PDK4: variants seen among roughly 807,000 people sequenced by gnomAD.
The protein encoded by PDK4 is pyruvate dehydrogenase kinase 4, also known as pyruvate dehydrogenase kinase, isozyme 4.
A neutral mutation model predicts 51.7 loss-of-function variants in PDK4; 43 were observed. The observed-to-expected ratio is 0.83, with a 90% CI of 0.65 to 1.07. The LOEUF (loss-of-function observed/expected upper bound fraction) is 1.07. Ranked by LOEUF, PDK4 falls within the 50% of genes least tolerant of loss-of-function variation. The pLI is 0.00. For missense variants in PDK4, 498 were observed against 503.5 expected, an observed-to-expected ratio of 0.99 and a Z score of 0.10; for synonymous variants, 170 against 176.6, an observed-to-expected ratio of 0.96 and a Z score of 0.30.
intron 3 of PDK4, among the ~76,000 whole-genome samples, chr7:95,593,384 T>C (rs1467916995): frequency 1.3e-5 from 2 of 152,128 alleles, no homozygotes; most frequent in African/African-American, 4.8e-5. Context: ...TAGTCTCCAA[T>C]GACGCTGAAA....
At position 95,591,995 on chromosome 7, in the gene PDK4, T is replaced by C; in HGVS notation, c.687A>G (p.Gln229=). The change falls in exon 6 of 11, where the codon CAA becomes CAG. Residue 229 remains glutamine, a synonymous_variant. Transcript: ENST00000005178. ...ATTTTACTTATAACTTACCATTCACTTGTGTAAGCTTTAATTCTGGAGATG... is the reference window on the plus strand; with the variant it reads ...ATTTTACTTATAACTTACCATTCACCTGTGTAAGCTTTAATTCTGGAGATG... ...YLSSPELKLT[Q]VNGKFPDQPI... 5 of 1,479,848 alleles carry C rather than the reference T, an allele frequency of 3.4e-6. No homozygotes were observed. The highest frequency in any genetic ancestry group is 4.6e-6 in the Non-Finnish European group (5 of 1,075,716). The allele number at this position is 1,479,848 out of a possible 1,614,324, so 91.7% of individuals were successfully genotyped here.
chr7:95,585,817 A>G (rs1174670399), intron 10 of PDK4, 36 bp from the exon 11 acceptor site: 3 of 1,565,606 alleles, frequency 1.9e-6, no homozygotes, highest in Non-Finnish European at 2.6e-6. Context: ...GAGACCAAAG[A>G]AATTATGCAT....
chr7:95,587,474 A>G lies in PDK4; in HGVS notation c.925T>C (p.Tyr309His). The G allele has an allele frequency of 6.2e-7, 1 of 1,612,326 alleles. No individual in the cohort carries two copies. The highest frequency in any genetic ancestry group is 8.5e-7 in the Non-Finnish European group (1 of 1,178,320). ...GGCGTTGGTGCAGTGGAGTATGTAT[A>G]ACTAAAGAGGCGGTCAATAATTCTC... is the stretch of plus-strand genomic sequence containing the variant. ...PLRIIDRLFSYTYSTAPTPVM... is the reference protein window; with the variant it reads ...PLRIIDRLFSHTYSTAPTPVM... The change falls in exon 9 of 11, where the codon TAT becomes CAT. Residue 309 changes from tyrosine to histidine, a missense_variant. Transcript: ENST00000005178.
chr7:95,589,708 GA>G lies in PDK4; in HGVS notation c.702del (p.Pro235GlnfsTer42). 6.4e-7 allele frequency: 1 copy of G among 1,556,390 alleles called. No homozygotes were observed. Among genetic ancestry groups the G allele is most frequent in the East Asian group, 2.2e-5 (1 of 44,528 alleles). ...TACACGATGTGAATTGGTTGGTCTG[GA>G]AATTTTCCTAGAAAAATAAAATTCA... Reference protein sequence around the residue: ...ELKLTQVNGKFPDQPIHIVYV... With the variant: ...ELKLTQVNGKXPDQPIHIVYV... On this transcript the variant is annotated frameshift_variant, in exon 7 of 11. Coordinates refer to ENST00000005178, the MANE Select transcript of PDK4 (RefSeq NM_002612.4). LOFTEE classifies it high-confidence loss of function.
intron 2 of PDK4, among the ~76,000 whole-genome samples, chr7:95,594,222 C>G (rs533736917): frequency 6.6e-4 from 101 of 152,152 alleles, no homozygotes; most frequent in African/African-American, 2.1e-3. Flanking sequence ...TTTCTTGAAT[C>G]AATGAACAAA....
In PDK4 at chr7:95,585,617, G is replaced by A. The variant is rs746671113; in HGVS notation, c.*24C>T. ...ACTGGTGTAGACCCACTTTGATCCC[G>A]TAAAGTGTCCTGAGTGTCCCTCTTC... is the stretch of plus-strand genomic sequence containing the variant. On this transcript the variant is annotated 3_prime_UTR_variant, in exon 11 of 11. Transcript: ENST00000005178. 10 of 1,586,696 alleles carry A rather than the reference G, an allele frequency of 6.3e-6. No homozygotes were observed. Among genetic ancestry groups the A allele is most frequent in the African/African-American group, 2.7e-5 (2 of 74,418 alleles).
chr7:95,587,589 T>A (rs572694912), intron 8 of PDK4, 61 bp from the exon 9 acceptor site: 1 of 1,262,000 alleles, frequency 7.9e-7, no homozygotes, highest in Non-Finnish European at 1.2e-6. Context: ...TTTGTCTAAA[T>A]AAAAATGGCT....
chr7:95,593,464 A>G (rs1791576737), intron 3 of PDK4, among the ~76,000 whole-genome samples: 1 of 152,138 alleles, frequency 6.6e-6, no homozygotes, highest in African/African-American at 2.4e-5. Flanking sequence ...TAGTAAAAAT[A>G]GGTCTCCCTG....
chr7:95,587,052 G>A lies in PDK4; in HGVS notation c.1053C>T (p.Tyr351=), dbSNP rs1295022783. Residue 351 remains tyrosine (Y), a synonymous_variant, in exon 10 of 11, where the codon TAC becomes TAT. Transcript: ENST00000005178. ...AKYFQGDLNL[Y]SLSGYGTDAI... ...CATCTGTTCCATATCCTGATAAAGAGTAGAGATTCAGATCTCCTTGAAAGT... is the reference window on the plus strand; with the variant it reads ...CATCTGTTCCATATCCTGATAAAGAATAGAGATTCAGATCTCCTTGAAAGT... 1.2e-6 allele frequency: 2 copies of A among 1,610,502 alleles called. No homozygotes were observed. The highest frequency in any genetic ancestry group is 1.3e-5 in the African/African-American group (1 of 74,918).
chr7:95,585,783 T>C lies in PDK4; in HGVS notation c.1096-2A>G. 6.3e-7 allele frequency: 1 copy of C among 1,577,680 alleles called. No individual in the cohort carries two copies. Among genetic ancestry groups the C allele is most frequent in the Non-Finnish European group, 8.7e-7 (1 of 1,153,472 alleles). On this transcript the variant is annotated splice_acceptor_variant, in intron 10 of 10. Coordinates refer to ENST00000005178, the MANE Select transcript of PDK4 (RefSeq NM_002612.4). LOFTEE classifies it high-confidence loss of function. ...TTCTATAGACTCAGAAGACAAAGCC[T>C]AAAAGAAAAGGGGGGAAAAACATGA...
At chr7:95,592,734 A>G (rs1791566758) in intron 4 of PDK4, 26 bp downstream of exon 4, 1 of 1,577,682 alleles carries the variant, frequency 6.3e-7, no homozygotes, top group African/African-American at 1.3e-5. Context: ...ATGTCTATAT[A>G]CCATGATCAT....
rs1036606337 is a variant in PDK4 at position 95,587,477 on chromosome 7, T to C, written c.922A>G (p.Ser308Gly). 1 of 1,612,000 alleles carries C rather than the reference T, an allele frequency of 6.2e-7. No individual in the cohort carries two copies. Among genetic ancestry groups the C allele is most frequent in the East Asian group, 2.2e-5 (1 of 44,870 alleles). Reference sequence around the variant, plus strand: ...GTTGGTGCAGTGGAGTATGTATAACTAAAGAGGCGGTCAATAATTCTCAGG... The same window carrying C: ...GTTGGTGCAGTGGAGTATGTATAACCAAAGAGGCGGTCAATAATTCTCAGG... ...VPLRIIDRLFSYTYSTAPTPV... is the reference protein window; with the variant it reads ...VPLRIIDRLFGYTYSTAPTPV... Residue 308 changes from serine (S) to glycine (G), a missense_variant, in exon 9 of 11, where the codon AGT (serine) becomes GGT (glycine). Coordinates refer to ENST00000005178, the MANE Select transcript of PDK4 (RefSeq NM_002612.4).
Position 95,592,759 on chromosome 7 carries a change from C to T in PDK4, c.529+1G>A. 6.2e-7 allele frequency: 1 copy of T among 1,606,742 alleles called. No individual in the cohort carries two copies. The highest frequency in any genetic ancestry group is 1.3e-5 in the African/African-American group (1 of 74,934). ...ACCATGATCATGATGAGCTAACTTA[C>T]TGTGCTGGTTCATCAGCATCCGAGT... On this transcript the variant is annotated splice_donor_variant, in intron 4 of 10. Transcript: ENST00000005178. LOFTEE classifies it high-confidence loss of function.
intron 6 of PDK4, among the ~76,000 whole-genome samples, chr7:95,590,991 G>A (rs954758220): frequency 6.6e-6 from 1 of 152,152 alleles, no homozygotes; most frequent in African/African-American, 2.4e-5. Context: ...GGGCTGGAGT[G>A]CAGTGGGACA....
chr7:95,585,743 A>T lies in PDK4; in HGVS notation c.1134T>A (p.Phe378Leu). 1 of 1,602,108 alleles carries T rather than the reference A, an allele frequency of 6.2e-7. No individual in the cohort carries two copies. The highest frequency in any genetic ancestry group is 1.3e-5 in the African/African-American group (1 of 74,926). The change falls in exon 11 of 11, where the codon TTT (phenylalanine) becomes TTA (leucine). Residue 378 changes from phenylalanine to leucine, a missense_variant. Phe to Leu is a conservative substitution (Grantham distance 22). Coordinates refer to ENST00000005178, the MANE Select transcript of PDK4 (RefSeq NM_002612.4). ...SSESIEKLPVFNKSAFKHYQM... is the reference protein window; with the variant it reads ...SSESIEKLPVLNKSAFKHYQM... ...GATAATGTTTGAAGGCTGACTTGTT[A>T]AAAACTGGAAGTTTTTCTATAGACT...
In PDK4 at chr7:95,592,808, G is replaced by T. The variant is rs1237699148; in HGVS notation, c.481C>A (p.Arg161=). The T allele has an allele frequency of 6.2e-7, 1 of 1,612,968 alleles. No individual in the cohort carries two copies. The highest frequency in any genetic ancestry group is 1.1e-5 in the South Asian group (1 of 90,986). ...TNQNLQYFLD[R]FYMNRISTRM... is the part of the protein sequence containing the mutation. ...GTAGAAATACGGTTCATGTAAAATCGATCCAAGAAATATTGAAGATTTTGA... is the reference window on the plus strand; with the variant it reads ...GTAGAAATACGGTTCATGTAAAATCTATCCAAGAAATATTGAAGATTTTGA... The change falls in exon 4 of 11, where the codon CGA becomes AGA. Residue 161 remains arginine, a synonymous_variant. Transcript: ENST00000005178.
At chr7:95,590,459 G>T (rs1791538280) in intron 6 of PDK4, among the ~76,000 whole-genome samples, 1 of 152,072 alleles carries the variant, frequency 6.6e-6, no homozygotes, top group Admixed American at 6.5e-5. Flanking sequence ...AGAAAGAAAA[G>T]AAAAATAAAA....
rs1301587604 is a variant in PDK4 at position 95,585,784 on chromosome 7, A to G, written c.1096-3T>C. The stretch of plus-strand genomic sequence containing the variant: ...TCTATAGACTCAGAAGACAAAGCCT[A>G]AAAGAAAAGGGGGGAAAAACATGAG... On this transcript the variant is annotated splice_polypyrimidine_tract_variant and splice_region_variant and intron_variant, in intron 10 of 10. Transcript: ENST00000005178. 2 of 1,579,368 alleles carry G rather than the reference A, an allele frequency of 1.3e-6. No homozygotes were observed. The highest frequency in any genetic ancestry group is 1.7e-5 in the Admixed American group (1 of 58,840).
At chr7:95,585,928 C>G in intron 10 of PDK4, 147 bp from the exon 11 acceptor site, 1 of 621,980 alleles carries the variant, frequency 1.6e-6, no homozygotes, top group South Asian at 2.5e-5. Context: ...TAAGAGCACA[C>G]TGGTGCCTGC....
Sources: gnomAD v4.1 joint callset for allele counts (sites outside exome capture counted in the v4.1 genomes callset) on GRCh38, gnomAD v4.1.1 for gene constraint, MANE v1.5 for transcripts, NCBI Gene and HGNC (gene_info 2026-07-23, HGNC 2026-07-21) for gene names.